TTC31: variants seen among roughly 807,000 people sequenced by gnomAD.
TTC31 encodes the protein tetratricopeptide repeat protein 31.
TTC31 carries 59 observed loss-of-function variants against 60.4 expected under a neutral mutation model. The observed-to-expected ratio is 0.98, with a 90% CI of 0.79 to 1.21. TTC31 has a LOEUF of 1.21. Ranked by LOEUF, TTC31 falls within the 50% of genes most tolerant of loss-of-function variation. TTC31 has a pLI of 0.00. For missense variants in TTC31, 672 were observed against 646.9 expected (o/e 1.04, Z -0.42); for synonymous variants, 225 against 249.6 (o/e 0.90, Z 0.93).
At position 74,493,455 on chromosome 2, in the gene TTC31, A is replaced by G. The variant is rs1674172383; in HGVS notation, c.*237A>G. The G allele has an allele frequency of 1.9e-6, 1 of 516,794 alleles. No individual in the cohort carries two copies. Among genetic ancestry groups the G allele is most frequent in the East Asian group, 3.2e-5 (1 of 31,496 alleles). 32.0% of individuals were successfully genotyped at this position (516,794 alleles called of 1,614,324 possible). A position where few individuals can be genotyped will look rare whatever the true frequency, so the allele number is the denominator to read the frequency against. On this transcript the variant is annotated 3_prime_UTR_variant, in exon 13 of 13. Coordinates refer to ENST00000233623, the MANE Select transcript of TTC31 (RefSeq NM_022492.6). Reference sequence around the variant, plus strand: ...TCTGGAGGCAGTAAGGAAAAATAAAACCCACCAAGGCTCAAGAAGGGAACT... The same window carrying G: ...TCTGGAGGCAGTAAGGAAAAATAAAGCCCACCAAGGCTCAAGAAGGGAACT...
chr2:74,491,893 G>A, intron 8 of TTC31, 111 bp from the exon 9 acceptor site: 1 of 1,555,892 alleles, frequency 6.4e-7, no homozygotes, highest in Non-Finnish European at 8.8e-7. Context: ...CTGTCATGAG[G>A]ATTACATGAG....
chr2:74,489,145 T>A (rs775619728), intron 2 of TTC31, among the ~76,000 whole-genome samples: 3 of 152,162 alleles, frequency 2.0e-5, no homozygotes, highest in South Asian at 4.1e-4. Flanking sequence ...AGGAGAGCAA[T>A]AGAAAGCAAT....
At position 74,493,016 on chromosome 2, in the gene TTC31, C is replaced by G; in HGVS notation, c.1358C>G (p.Ser453Cys). The change falls in exon 13 of 13, where the codon TCC becomes TGC. Residue 453 changes from serine (S) to cysteine (C), a missense_variant. Transcript: ENST00000233623. ...HAELAPSGLP[S>C]LRCPRSTALR... ...GAGCTGGCACCCTCAGGCCTACCTT[C>G]CCTCAGGTGCCCTCGAAGCACTGCT... The G allele has an allele frequency of 6.2e-7, 1 of 1,614,194 alleles. No homozygotes were observed. The highest frequency in any genetic ancestry group is 8.5e-7 in the Non-Finnish European group (1 of 1,180,016).
At chr2:74,486,430 A>T (rs1434642462) in intron 2 of TTC31, among the ~76,000 whole-genome samples, 1 of 152,232 alleles carries the variant, frequency 6.6e-6, no homozygotes, top group Non-Finnish European at 1.5e-5. Flanking sequence ...AAACAGCAGT[A>T]AATCAAACAG....
At position 74,493,207 on chromosome 2, in the gene TTC31, C is replaced by T. The variant is rs1159266301; in HGVS notation, c.1549C>T (p.Gln517Ter). ...ILGLGLQHLSQAR is the reference protein window; with the variant it reads ...ILGLGLQHLS ...GGGACTTGGGCTCCAGCATCTGTCT[C>T]AGGCCAGATGAGGGGGCACCGGTCC... is the stretch of plus-strand genomic sequence containing the variant. The change falls in exon 13 of 13, where the codon CAG (glutamine) becomes TAG (stop). Residue 517 changes from glutamine to a stop codon, truncating the protein, a stop_gained. Coordinates refer to ENST00000233623, the MANE Select transcript of TTC31 (RefSeq NM_022492.6). LOFTEE classifies it high-confidence loss of function. 1 of 1,614,152 alleles carries T rather than the reference C, an allele frequency of 6.2e-7. No homozygotes were observed. The highest frequency in any genetic ancestry group is 1.3e-5 in the African/African-American group (1 of 75,066).
At chr2:74,484,417 C>T (rs1672839616) in intron 2 of TTC31, among the ~76,000 whole-genome samples, 2 of 151,790 alleles carry the variant, frequency 1.3e-5, no homozygotes, top group African/African-American at 2.4e-5. Context: ...TTTGACTTAG[C>T]ACAGGGGTTT....
intron 5 of TTC31, 140 bp from the exon 6 acceptor site, chr2:74,490,988 G>C: frequency 8.3e-7 from 1 of 1,207,638 alleles, no homozygotes; most frequent in South Asian, 1.4e-5. Context: ...TGCCTCTCTT[G>C]TCTGCTTTTT....
rs1172813044 is a variant in TTC31, at chr2:74,494,449, A to G, written c.*1231A>G. The G allele has an allele frequency of 1.3e-5, 2 of 152,374 alleles. No homozygotes were observed. Among genetic ancestry groups the G allele is most frequent in the East Asian group, 3.9e-4 (2 of 5,186 alleles). 9.4% of individuals were successfully genotyped at this position (152,374 alleles called of 1,614,324 possible). On this transcript the variant is annotated 3_prime_UTR_variant, in exon 13 of 13. Transcript: ENST00000233623. ...TTCCCTCACCTGTAAAAATGAGGGT[A>G]GTCCCTACCTCATAAGGGATATTGT...
At chr2:74,489,957 C>A (rs189916209) in intron 2 of TTC31, 68 bp from the exon 3 acceptor site, 2 of 1,146,518 alleles carry the variant, frequency 1.7e-6, no homozygotes, top group Admixed American at 4.0e-5. Flanking sequence ...ATCAAGCCAG[C>A]GAAGCCCTTG....
chr2:74,492,120 C>T lies in TTC31; in HGVS notation c.929-19C>T, dbSNP rs950153589. ...TGGGGTAGCCCCATCTGAACCTTCT[C>T]ACCCTCTTTCCTTTCCAGAGTTGGG... is the stretch of plus-strand genomic sequence containing the variant. On this transcript the variant is annotated intron_variant, in intron 9 of 12. Transcript: ENST00000233623. 3.7e-6 allele frequency: 6 copies of T among 1,614,076 alleles called. No homozygotes were observed. In the Middle Eastern group the frequency reaches 4.9e-4, roughly 133 times the overall value.
In TTC31 at chr2:74,492,203, C is replaced by G. The variant is rs781421323; in HGVS notation, c.993C>G (p.Ala331=). 8 of 1,614,248 alleles carry G rather than the reference C, an allele frequency of 5.0e-6. No homozygotes were observed. In the South Asian group the frequency reaches 8.8e-5, roughly 18 times the overall value. ...YHEAVVLFTQ[A]LKLNPQDHRL... ...AGGCCGTGGTCCTCTTCACCCAGGC[C>G]TTGAAGCTCAACCCCCAGGACCACC... The change falls in exon 10 of 13, where the codon GCC becomes GCG. Residue 331 remains alanine, a synonymous_variant. Transcript: ENST00000233623.
intron 7 of TTC31, 21 bp downstream of exon 7, chr2:74,491,396 T>G: frequency 6.2e-7 from 1 of 1,614,190 alleles, no homozygotes; most frequent in Middle Eastern, 1.6e-4. Context: ...CTTTTTTCCC[T>G]TCTTGGTCTC....
intron 2 of TTC31, among the ~76,000 whole-genome samples, chr2:74,487,050 T>C (rs1052925768): frequency 9.2e-5 from 14 of 152,314 alleles, no homozygotes; most frequent in Admixed American, 3.9e-4. Flanking sequence ...ACAGTTGGTA[T>C]GTTGTGGGAA....
intron 8 of TTC31, 46 bp from the exon 9 acceptor site, chr2:74,491,958 G>A: frequency 1.2e-6 from 2 of 1,613,594 alleles, no homozygotes; most frequent in Non-Finnish European, 1.7e-6. Flanking sequence ...AGGATTTGGG[G>A]AGGCTGAGAC....
Position 74,490,215 on chromosome 2 carries a change from C to T in TTC31, c.233-29C>T, listed in dbSNP as rs767307868. On this transcript the variant is annotated intron_variant, in intron 3 of 12. Transcript: ENST00000233623. ...GATGCACCCCGCTCTCATGTCCTTT[C>T]TTTCCTGTCTCTTTCTCCCTCCTGA... 3.7e-6 allele frequency: 6 copies of T among 1,612,190 alleles called. No individual in the cohort carries two copies. The South Asian group carries it at 5.5e-5, about 15-fold the overall frequency.
chr2:74,493,630 C>G lies in TTC31; in HGVS notation c.*412C>G, dbSNP rs144023606. On this transcript the variant is annotated 3_prime_UTR_variant, in exon 13 of 13. Coordinates refer to ENST00000233623, the MANE Select transcript of TTC31 (RefSeq NM_022492.6). Reference sequence around the variant, plus strand: ...AGTGCTGAGGGGGCTTGAGTCCCACCTTTCAGCTTGATGGATGCTCACCTC... The same window carrying G: ...AGTGCTGAGGGGGCTTGAGTCCCACGTTTCAGCTTGATGGATGCTCACCTC... 2.4e-3 allele frequency: 396 copies of G among 165,798 alleles called. 2 individuals are homozygous for G. The highest frequency in any genetic ancestry group is 4.0e-3 in the Non-Finnish European group (309 of 76,706). The allele number at this position is 165,798 out of a possible 1,614,324, so 10.3% of individuals were successfully genotyped here.
intron 4 of TTC31, 52 bp from the exon 5 acceptor site, chr2:74,490,604 T>G: frequency 6.3e-7 from 1 of 1,592,600 alleles, no homozygotes; most frequent in Non-Finnish European, 8.6e-7. Flanking sequence ...TCATGTTTGC[T>G]CTCCATTTCC....
chr2:74,492,186 G>A lies in TTC31; in HGVS notation c.976G>A (p.Val326Ile). The A allele has an allele frequency of 6.2e-7, 1 of 1,614,236 alleles. No homozygotes were observed. The highest frequency in any genetic ancestry group is 8.5e-7 in the Non-Finnish European group (1 of 1,180,038). The change falls in exon 10 of 13, where the codon GTC becomes ATC. Residue 326 changes from valine (V) to isoleucine (I), a missense_variant. Transcript: ENST00000233623. The part of the protein sequence containing the change: ...AQNGFYHEAV[V>I]LFTQALKLNP... ...AAATGGTTTCTACCATGAGGCCGTGGTCCTCTTCACCCAGGCCTTGAAGCT... is the reference window on the plus strand; with the variant it reads ...AAATGGTTTCTACCATGAGGCCGTGATCCTCTTCACCCAGGCCTTGAAGCT...
chr2:74,491,069 C>T, intron 5 of TTC31, 59 bp from the exon 6 acceptor site: 3 of 1,602,230 alleles, frequency 1.9e-6, no homozygotes, highest in Non-Finnish European at 2.6e-6. Flanking sequence ...AAATCTTAGC[C>T]CAGCACACGA....
Sources: allele counts gnomAD v4.1 joint callset (sites outside exome capture counted in the v4.1 genomes callset), GRCh38; gene constraint gnomAD v4.1.1; transcripts MANE v1.5; gene names NCBI Gene and HGNC (gene_info 2026-07-23, HGNC 2026-07-21).